ZC3H7A: variants seen among roughly 807,000 people sequenced by gnomAD.
The protein encoded by ZC3H7A is zinc finger CCCH domain-containing protein 7A.
Under a neutral mutation model 125.5 loss-of-function variants are expected in ZC3H7A, and 44 were observed. The observed-to-expected ratio is 0.35, with a 90% confidence interval of 0.28 to 0.45. The LOEUF (loss-of-function observed/expected upper bound fraction) is 0.45. Ranked by LOEUF, ZC3H7A falls within the 20% of genes least tolerant of loss-of-function variation. The pLI, the probability that ZC3H7A is intolerant of heterozygous loss-of-function variation, is 1.00. For synonymous variants in ZC3H7A, 399 were observed against 391.2 expected, an observed-to-expected ratio of 1.02 and a Z score of -0.23; for missense variants, 977 against 1,170.7, an observed-to-expected ratio of 0.83 and a Z score of 2.41.
At chr16:11,752,362 C>T (rs1259280398) in intron 22 of ZC3H7A, among the ~76,000 whole-genome samples, 1 of 152,196 alleles carries the variant, frequency 6.6e-6, no homozygotes, top group African/African-American at 2.4e-5. Flanking sequence ...GTTTGAGAAT[C>T]ACAGCTGTGA....
At chr16:11,759,448 C>T (rs561149700) in intron 19 of ZC3H7A, 3 of 152,318 alleles carry the variant, frequency 2.0e-5, no homozygotes, top group African/African-American at 4.8e-5. Flanking sequence ...CATTTCCTCC[C>T]TTGGACCAAT....
rs79950768 is a variant in ZC3H7A at position 11,765,272 on chromosome 16, C to A, written c.1720-119G>T. The stretch of plus-strand genomic sequence containing the variant: ...ATATTCAATATGAAGTTTTAATATT[C>A]TTTTTGGTAACAGTAATAGCCAACA... On this transcript the variant is annotated intron_variant, in intron 14 of 22. Coordinates refer to ENST00000355758, the MANE Select transcript of ZC3H7A (RefSeq NM_014153.4). This position sits in a 1 kb window ranked among gnomAD's most constrained non-coding sequence, Gnocchi z 4.8. 3.4e-3 allele frequency: 2,510 copies of A among 748,720 alleles called. 55 individuals are homozygous for A. In the African/African-American group the frequency reaches 0.042, roughly 13 times the overall value. The allele number at this position is 748,720 out of a possible 1,614,324, so 46.4% of individuals were successfully genotyped here. A position where few individuals can be genotyped will look rare whatever the true frequency, so the allele number is the denominator to read the frequency against.
At chr16:11,775,498 G>A (rs1381472944) in intron 7 of ZC3H7A, 1 of 153,088 alleles carries the variant, frequency 6.5e-6, no homozygotes, top group Non-Finnish European at 1.5e-5. Flanking sequence ...TACATGTGGT[G>A]TTAGGTGAGG....
Position 11,779,240 on chromosome 16 carries a change from A to C in ZC3H7A, c.232T>G (p.Ser78Ala). 6.2e-7 allele frequency: 1 copy of C among 1,613,218 alleles called. No homozygotes were observed. Among genetic ancestry groups the C allele is most frequent in the South Asian group, 1.1e-5 (1 of 90,900 alleles). The change falls in exon 4 of 23, where the codon TCT (serine) becomes GCT (alanine). Residue 78 changes from serine to alanine, a missense_variant. This residue lies in a region of ZC3H7A where 199 missense variants were observed against 256.1 expected (regional missense o/e 0.78). Transcript: ENST00000355758. The stretch of plus-strand genomic sequence containing the variant: ...TCTTTGGGGATTAAAATTTCTTCAG[A>C]TTTTGCATAATCAGCTATATTCAAG... The part of the protein sequence containing the change: ...EALNIADYAK[S>A]EEILIPKEII...
chr16:11,773,990 TC>T (rs376948301), intron 9 of ZC3H7A, among the ~76,000 whole-genome samples: 17 of 152,180 alleles, frequency 1.1e-4, no homozygotes, highest in African/African-American at 4.1e-4. Flanking sequence ...CTTTGCCCTT[TC>T]CATAATATGA....
At chr16:11,761,649 T>C (rs2052754899) in intron 18 of ZC3H7A, 138 bp from the exon 19 acceptor site, 3 of 910,512 alleles carry the variant, frequency 3.3e-6, no homozygotes, top group Admixed American at 2.8e-5. Flanking sequence ...CTTATGATTC[T>C]GTATTTTCAC....
intron 10 of ZC3H7A, 137 bp from the exon 11 acceptor site, chr16:11,769,232 T>A: frequency 1.5e-6 from 1 of 651,004 alleles, no homozygotes; most frequent in Non-Finnish European, 2.4e-6. Flanking sequence ...TTGCTCAAGG[T>A]TGACACCCAA....
chr16:11,761,859 T>A, intron 18 of ZC3H7A, 51 bp downstream of exon 18: 1 of 1,600,970 alleles, frequency 6.2e-7, no homozygotes, highest in East Asian at 2.2e-5. Flanking sequence ...ATTTTATACC[T>A]ACGAAACAGA....
At position 11,765,625 on chromosome 16, in the gene ZC3H7A, T is replaced by C. The variant is rs1342115589; in HGVS notation, c.1583A>G (p.Glu528Gly). The C allele has an allele frequency of 6.2e-7, 1 of 1,614,090 alleles. No individual in the cohort carries two copies. The highest frequency in any genetic ancestry group is 1.7e-5 in the Admixed American group (1 of 60,002). The change falls in exon 14 of 23, where the codon GAG becomes GGG. Residue 528 changes from glutamate (E) to glycine (G), a missense_variant. Physicochemically the swap from Glu to Gly is moderately conservative, Grantham distance 98. Around this residue, in one of 3 missense-constraint regions of ZC3H7A, gnomAD observed 436 missense variants for 603.2 expected, o/e 0.72. Coordinates refer to ENST00000355758, the MANE Select transcript of ZC3H7A (RefSeq NM_014153.4). The surrounding 1 kb of genome is among the most constrained non-coding windows in gnomAD (Gnocchi z 4.8). Reference sequence around the variant, plus strand: ...CTCCAGTGTCCACACATCTATCTCCTCTTGGCAATAAGCAAACGTGCAGTG... The same window carrying C: ...CTCCAGTGTCCACACATCTATCTCCCCTTGGCAATAAGCAAACGTGCAGTG... ...SGHCTFAYCQEEIDVWTLERK... is the reference protein window; with the variant it reads ...SGHCTFAYCQGEIDVWTLERK...
At position 11,765,078 on chromosome 16, in the gene ZC3H7A, T is replaced by C; in HGVS notation, c.1795A>G (p.Thr599Ala). ...TTATTGTCTTCAAACTCATGCTTTG[T>C]AACCGGGTGAGAACAAGCAGTAGAA... ...DNSTACSHPV[T>A]KHEFEDNKCL... The change falls in exon 15 of 23, where the codon ACA becomes GCA. Residue 599 changes from threonine to alanine, a missense_variant. Transcript: ENST00000355758. This position sits in a 1 kb window ranked among gnomAD's most constrained non-coding sequence, Gnocchi z 4.8. 6.3e-7 allele frequency: 1 copy of C among 1,589,094 alleles called. No individual in the cohort carries two copies. The highest frequency in any genetic ancestry group is 8.6e-7 in the Non-Finnish European group (1 of 1,169,154).
At chr16:11,781,273 T>G in intron 3 of ZC3H7A, 152 bp downstream of exon 3, 1 of 643,672 alleles carries the variant, frequency 1.6e-6, no homozygotes, top group Non-Finnish European at 2.5e-6. Flanking sequence ...CAATAAAGCT[T>G]TATTTGCAAA....
At position 11,782,528 on chromosome 16, in the gene ZC3H7A, C is replaced by T. The variant is rs951311695; in HGVS notation, c.-34-140G>A. On this transcript the variant is annotated intron_variant, in intron 1 of 22. Coordinates refer to ENST00000355758, the MANE Select transcript of ZC3H7A (RefSeq NM_014153.4). The stretch of plus-strand genomic sequence containing the variant: ...GACTTGACTCCAGGGTCCTGGACGG[C>T]AGGGACCGTACAGGAGTCATCTTTG... 4.2e-5 allele frequency: 28 copies of T among 672,856 alleles called. No homozygotes were observed. In the Middle Eastern group the frequency reaches 7.5e-4, roughly 18 times the overall value. The allele number at this position is 672,856 out of a possible 1,614,324, so 41.7% of individuals were successfully genotyped here. A position where few individuals can be genotyped will look rare whatever the true frequency, so the allele number is the denominator to read the frequency against.
At chr16:11,771,409 A>G (rs549250052) in intron 9 of ZC3H7A, among the ~76,000 whole-genome samples, 4 of 150,834 alleles carry the variant, frequency 2.7e-5, no homozygotes, top group African/African-American at 7.5e-5. Flanking sequence ...AAAAAAAAAC[A>G]AAGTTTAAAT....
intron 11 of ZC3H7A, 21 bp from the exon 12 acceptor site, chr16:11,768,522 A>AG (rs746206125): frequency 6.9e-5 from 97 of 1,410,602 alleles, no homozygotes; most frequent in African/African-American, 4.9e-4. Context: ...AATAAGAAGA[A>AG]AAAAAAAAAA....
At chr16:11,777,414 C>T (rs2053099087) in intron 4 of ZC3H7A, among the ~76,000 whole-genome samples, 1 of 152,052 alleles carries the variant, frequency 6.6e-6, no homozygotes, top group Admixed American at 6.6e-5. Context: ...ACCGAGTATC[C>T]ACAGTGAAAA....
At chr16:11,771,197 G>A (rs2052974664) in intron 9 of ZC3H7A, among the ~76,000 whole-genome samples, 1 of 152,092 alleles carries the variant, frequency 6.6e-6, no homozygotes, top group Non-Finnish European at 1.5e-5. Flanking sequence ...AGACCAGCCT[G>A]GGCAACACGG....
At position 11,761,485 on chromosome 16, in the gene ZC3H7A, C is replaced by T; in HGVS notation, c.2240G>A (p.Arg747Lys). Residue 747 changes from arginine to lysine, a missense_variant, in exon 19 of 23, where the codon AGA becomes AAA. This residue lies in a region of ZC3H7A where 436 missense variants were observed against 603.2 expected (regional missense o/e 0.72). Transcript: ENST00000355758. The part of the protein sequence containing the change: ...HSWTKDRRAM[R>K]VMSIERKKWM... ...CTTCTTACGTTCAATAGACATCACTCTCATCGCACGCCGGTCTTTGGTCCA... is the reference window on the plus strand; with the variant it reads ...CTTCTTACGTTCAATAGACATCACTTTCATCGCACGCCGGTCTTTGGTCCA... 6.2e-7 allele frequency: 1 copy of T among 1,614,072 alleles called. No homozygotes were observed. The highest frequency in any genetic ancestry group is 8.5e-7 in the Non-Finnish European group (1 of 1,179,994).
At chr16:11,789,502 C>G (rs2053315480) in intron 1 of ZC3H7A, among the ~76,000 whole-genome samples, 1 of 152,090 alleles carries the variant, frequency 6.6e-6, no homozygotes, top group African/African-American at 2.4e-5. Flanking sequence ...GATCGGCCTG[C>G]CTTGGCCTCC....
chr16:11,791,967 A>C (rs1296884300), intron 1 of ZC3H7A, among the ~76,000 whole-genome samples: 4 of 152,244 alleles, frequency 2.6e-5, no homozygotes, highest in African/African-American at 9.6e-5. Flanking sequence ...GCTGCAGTAC[A>C]GTGGCACAAC....
Sources: gnomAD v4.1 joint callset for allele counts (sites outside exome capture counted in the v4.1 genomes callset) on GRCh38, gnomAD v4.1.1 for gene constraint, gnomAD v4.1.1 regional missense constraint, Gnocchi (gnomAD v3.1) non-coding constraint, MANE v1.5 for transcripts, NCBI Gene and HGNC (gene_info 2026-07-23, HGNC 2026-07-21) for gene names.